TMEM120B: variants seen among roughly 807,000 people sequenced by gnomAD.
TMEM120B encodes transmembrane protein 120B.
Under a neutral mutation model 55.5 loss-of-function variants are expected in TMEM120B, and 31 were observed. The observed-to-expected ratio is 0.56, with a 90% CI of 0.42 to 0.75. The LOEUF is 0.75. Among genes scored for constraint, TMEM120B ranks in the 30% least tolerant of loss-of-function variants. The pLI, the probability that TMEM120B is intolerant of heterozygous loss-of-function variation, is 0.00. For missense variants in TMEM120B, 399 were observed against 425.5 expected, an observed-to-expected ratio of 0.94 and a Z score of 0.55; for synonymous variants, 203 against 176.3, an observed-to-expected ratio of 1.15 and a Z score of -1.20.
Position 121,736,205 on chromosome 12 carries a change from C to T in TMEM120B, c.70-7424C>T, listed in dbSNP as rs182194111. On this transcript the variant is annotated intron_variant, in intron 1 of 11. Transcript: ENST00000449592. ...TATTTATTTTTAAGACGGCGTGTCTCGCTCTGTGGCCCAGGCTGGAGTGCA... is the reference window on the plus strand; with the variant it reads ...TATTTATTTTTAAGACGGCGTGTCTTGCTCTGTGGCCCAGGCTGGAGTGCA... Among the ~76,000 whole-genome samples the T allele has an allele frequency of 5.4e-4, 82 of 151,926 alleles. No individual in the cohort carries two copies. The East Asian group carries it at 9.5e-3, about 18-fold the overall frequency.
chr12:121,762,271 C>CAA lies in TMEM120B; in HGVS notation c.551+548_551+549dup, dbSNP rs796129443. 4.6e-3 allele frequency among the ~76,000 whole-genome samples: 544 copies of CAA among 117,222 alleles called. 7 individuals are homozygous for CAA. Among genetic ancestry groups the CAA allele is most frequent in the African/African-American group, 0.015 (492 of 32,814 alleles). 76.9% of individuals were successfully genotyped at this position (117,222 alleles called of 152,430 possible). A position where few individuals can be genotyped will look rare whatever the true frequency, so the allele number is the denominator to read the frequency against. On this transcript the variant is annotated intron_variant, in intron 6 of 11. Transcript: ENST00000449592. The stretch of plus-strand genomic sequence containing the variant: ...CCAGGGACAATGCAGGACTCTGTCT[C>CAA]AAAAAAAAAAAAAAAAGAGGTGACC...
chr12:121,763,157 C>CTT lies in TMEM120B; in HGVS notation c.551+1441_551+1442dup, dbSNP rs35941086. Among the ~76,000 whole-genome samples, 607 of 88,052 alleles carry CTT rather than the reference C, an allele frequency of 6.9e-3. 1 individual carries two copies. Among genetic ancestry groups the CTT allele is most frequent in the African/African-American group, 7.6e-3 (189 of 24,754 alleles). The allele number at this position is 88,052 out of a possible 152,430, so 57.8% of individuals were successfully genotyped here. A position where few individuals can be genotyped will look rare whatever the true frequency, so the allele number is the denominator to read the frequency against. The stretch of plus-strand genomic sequence containing the variant: ...GGTGGCCATTGGAACCTCGGCATGC[C>CTT]TTTTTTTTTTTTTTTTTTTTTTTGA... On this transcript the variant is annotated intron_variant, in intron 6 of 11. Coordinates refer to ENST00000449592, the MANE Select transcript of TMEM120B (RefSeq NM_001080825.2).
intron 2 of TMEM120B, among the ~76,000 whole-genome samples, chr12:121,747,260 A>G: frequency 1.4e-5 from 2 of 147,158 alleles, no homozygotes; most frequent in Non-Finnish European, 3.0e-5. Context: ...CTGGGGTAGA[A>G]GGTGGGAGGC....
Position 121,776,117 on chromosome 12 carries a change from C to A in TMEM120B, c.*395C>A, listed in dbSNP as rs757639552. The A allele has an allele frequency of 1.1e-4, 51 of 463,296 alleles. No individual in the cohort carries two copies. Among genetic ancestry groups the A allele is most frequent in the Non-Finnish European group, 1.6e-4 (43 of 263,702 alleles). The allele number at this position is 463,296 out of a possible 1,614,324, so 28.7% of individuals were successfully genotyped here. A position where few individuals can be genotyped will look rare whatever the true frequency, so the allele number is the denominator to read the frequency against. On this transcript the variant is annotated 3_prime_UTR_variant, in exon 12 of 12. Coordinates refer to ENST00000449592, the MANE Select transcript of TMEM120B (RefSeq NM_001080825.2). The stretch of plus-strand genomic sequence containing the variant: ...TGGATTTATGCTGACCTGCTACTTA[C>A]CAGGCCCAGGCTGGGGTGGTGTGAA...
chr12:121,732,809 C>T (rs1186106297), intron 1 of TMEM120B, among the ~76,000 whole-genome samples: 1 of 152,020 alleles, frequency 6.6e-6, no homozygotes, highest in African/African-American at 2.4e-5. Context: ...GAAACCCTGT[C>T]TCTACTAAAA....
chr12:121,778,408 G>A lies in TMEM120B; in HGVS notation c.*2686G>A, dbSNP rs1874317931. 6.9e-6 allele frequency: 1 copy of A among 145,744 alleles called. No individual in the cohort carries two copies. Among genetic ancestry groups the A allele is most frequent in the Admixed American group, 7.0e-5 (1 of 14,314 alleles). The allele number at this position is 145,744 out of a possible 1,614,324, so 9.0% of individuals were successfully genotyped here. On this transcript the variant is annotated 3_prime_UTR_variant, in exon 12 of 12. Coordinates refer to ENST00000449592, the MANE Select transcript of TMEM120B (RefSeq NM_001080825.2). ...GGAGCTTGCAGTGAGCCAAGATCAT[G>A]CCACTGCACTCTAGCCTGAGTGACA...
chr12:121,770,803 T>A (rs1360180599), intron 6 of TMEM120B, 104 bp from the exon 7 acceptor site: 1 of 1,051,578 alleles, frequency 9.5e-7, no homozygotes, highest in Non-Finnish European at 1.5e-6. Flanking sequence ...AGAAGCCGTC[T>A]CTGAGTGCAG....
chr12:121,759,676 TCAAA>T (rs1054935157), intron 5 of TMEM120B, among the ~76,000 whole-genome samples: 8 of 150,330 alleles, frequency 5.3e-5, no homozygotes, highest in Middle Eastern at 3.5e-3. Flanking sequence ...AAACTCCGTG[TCAAA>T]CAAACAAAAC....
intron 3 of TMEM120B, among the ~76,000 whole-genome samples, chr12:121,749,927 A>C (rs889646549): frequency 6.6e-6 from 1 of 151,528 alleles, no homozygotes; most frequent in Non-Finnish European, 1.5e-5. Context: ...AAAACAAAAA[A>C]CACTGCAGTG....
chr12:121,737,423 T>C (rs530929471), intron 1 of TMEM120B, among the ~76,000 whole-genome samples: 3 of 151,992 alleles, frequency 2.0e-5, no homozygotes, highest in Non-Finnish European at 4.4e-5. Flanking sequence ...GAGAATCACT[T>C]GAACCTAGGA....
chr12:121,748,691 C>T (rs186100914), intron 3 of TMEM120B, among the ~76,000 whole-genome samples: 275 of 152,250 alleles, frequency 1.8e-3, no homozygotes, highest in Non-Finnish European at 2.9e-3. Flanking sequence ...TGCATGCCTG[C>T]TGACACCTGG....
intron 1 of TMEM120B, among the ~76,000 whole-genome samples, chr12:121,716,321 AAAAG>A (rs1894702273): frequency 2.6e-5 from 4 of 151,684 alleles, no homozygotes. Context: ...AAAAAAAAAA[AAAAG>A]AGATTTGTTG....
intron 1 of TMEM120B, among the ~76,000 whole-genome samples, chr12:121,721,647 T>C (rs1455239844): frequency 2.0e-5 from 3 of 151,714 alleles, no homozygotes; most frequent in Non-Finnish European, 4.4e-5. Context: ...AATTTTTGTA[T>C]TTTTAGTAGA....
intron 6 of TMEM120B, among the ~76,000 whole-genome samples, chr12:121,768,583 G>A (rs1310338242): frequency 6.6e-6 from 1 of 152,184 alleles, no homozygotes; most frequent in East Asian, 1.9e-4. Flanking sequence ...AGTTCTGGAG[G>A]GATGAAGGTT....
At chr12:121,720,105 G>T (rs1212183571) in intron 1 of TMEM120B, among the ~76,000 whole-genome samples, 1 of 152,128 alleles carries the variant, frequency 6.6e-6, no homozygotes, top group Non-Finnish European at 1.5e-5. Flanking sequence ...GGCACAGAGG[G>T]ATTACATAAC....
At chr12:121,768,315 GT>G (rs1256291336) in intron 6 of TMEM120B, among the ~76,000 whole-genome samples, 1 of 152,284 alleles carries the variant, frequency 6.6e-6, no homozygotes, top group Admixed American at 6.5e-5. Flanking sequence ...AGTGCCTGTT[GT>G]TTACCTGGTG....
chr12:121,713,277 G>T (rs1251614331), intron 1 of TMEM120B, among the ~76,000 whole-genome samples: 1 of 152,194 alleles, frequency 6.6e-6, no homozygotes, highest in Non-Finnish European at 1.5e-5. Flanking sequence ...GTTCATCTGT[G>T]GGGGTGGTTC....
intron 9 of TMEM120B, among the ~76,000 whole-genome samples, chr12:121,773,864 T>G (rs553853850): frequency 2.6e-5 from 4 of 151,916 alleles, no homozygotes; most frequent in Non-Finnish European, 5.9e-5. Flanking sequence ...TGCCTCACTC[T>G]GAAGCCATAG....
chr12:121,743,959 G>T (rs1464188299), intron 2 of TMEM120B, among the ~76,000 whole-genome samples: 1 of 152,074 alleles, frequency 6.6e-6, no homozygotes, highest in Non-Finnish European at 1.5e-5. Flanking sequence ...TCACTCTCAG[G>T]GTGACTGTCC....
Sources: gnomAD v4.1 joint callset for allele counts (sites outside exome capture counted in the v4.1 genomes callset) on GRCh38, gnomAD v4.1.1 for gene constraint, MANE v1.5 for transcripts, NCBI Gene and HGNC (gene_info 2026-07-23, HGNC 2026-07-21) for gene names.